The following FRMD5 variants were observed in gnomAD, a reference collection of about 807,000 sequenced individuals.
FRMD5 encodes FERM domain containing 5.
Under a neutral mutation model 69.0 loss-of-function variants are expected in FRMD5, and 20 were observed. The ratio of observed to expected loss-of-function variants is 0.29; its 90% CI spans 0.20 to 0.42. The LOEUF (loss-of-function observed/expected upper bound fraction) is 0.42, where lower values mean the gene tolerates loss of function less well. FRMD5 is among the 10% of genes least tolerant of loss of function. FRMD5 has a pLI of 1.00. For synonymous variants in FRMD5, 271 were observed against 260.1 expected (o/e 1.04, Z -0.40); for missense variants, 595 against 708.6 (o/e 0.84, Z 1.82).
At chr15:44,123,711 T>C (rs2140676528) in intron 1 of FRMD5, among the ~76,000 whole-genome samples, 1 of 152,284 alleles carries the variant, frequency 6.6e-6, no homozygotes, top group East Asian at 1.9e-4. Context: ...GGGCGACACC[T>C]AAAATTCACT....
intron 2 of FRMD5, among the ~76,000 whole-genome samples, chr15:43,920,715 G>T (rs1455889104): frequency 6.6e-6 from 1 of 152,206 alleles, no homozygotes; most frequent in Non-Finnish European, 1.5e-5. Context: ...TGAAGGCCCA[G>T]AACTGTCAGT....
At chr15:44,080,216 A>G (rs189292194) in intron 1 of FRMD5, among the ~76,000 whole-genome samples, 1 of 152,132 alleles carries the variant, frequency 6.6e-6, no homozygotes. Context: ...TTCCAAACCC[A>G]ATTTTAAATT....
chr15:44,047,823 T>C (rs1282438325), intron 1 of FRMD5, among the ~76,000 whole-genome samples: 1 of 152,226 alleles, frequency 6.6e-6, no homozygotes, highest in Non-Finnish European at 1.5e-5. Flanking sequence ...ATCATACGAC[T>C]TGTGGCCCTT....
At chr15:44,084,885 T>G (rs1004285102) in intron 1 of FRMD5, among the ~76,000 whole-genome samples, 26 of 152,142 alleles carry the variant, frequency 1.7e-4, no homozygotes, top group Admixed American at 1.4e-3. Context: ...CCATTCCCCA[T>G]GGGCAATTAT....
At position 44,118,994 on chromosome 15, in the gene FRMD5, G is replaced by C. The variant is rs563562334; in HGVS notation, c.102+75959C>G. On this transcript the variant is annotated intron_variant, in intron 1 of 13. Coordinates refer to ENST00000417257, the MANE Select transcript of FRMD5 (RefSeq NM_032892.5). ...ACTTTTATTTTTTAGACAGGGTCTT[G>C]CTCTGTCACCCAGACCAGAGTGCAA... Among the ~76,000 whole-genome samples, 33 of 152,150 alleles carry C rather than the reference G, an allele frequency of 2.2e-4. No individual in the cohort carries two copies. The South Asian group carries it at 5.8e-3, about 27-fold the overall frequency.
rs191729736 is a variant in FRMD5, at chr15:44,008,990, C to A, written c.103-84681G>T. Among the ~76,000 whole-genome samples, 11 of 152,282 alleles carry A rather than the reference C, an allele frequency of 7.2e-5. No homozygotes were observed. The East Asian group carries it at 2.1e-3, about 29-fold the overall frequency. ...GCAGTGAGCCGAGATTGCACCACTG[C>A]ACTCCAGCCTGGGTGACAGAGGAGA... is the stretch of plus-strand genomic sequence containing the variant. On this transcript the variant is annotated intron_variant, in intron 1 of 13. Coordinates refer to ENST00000417257, the MANE Select transcript of FRMD5 (RefSeq NM_032892.5).
At chr15:44,181,471 T>C (rs1055383208) in intron 1 of FRMD5, among the ~76,000 whole-genome samples, 4 of 152,218 alleles carry the variant, frequency 2.6e-5, no homozygotes, top group African/African-American at 9.7e-5. Context: ...TAGTATGTTA[T>C]CAAAACCAGG....
intron 1 of FRMD5, among the ~76,000 whole-genome samples, chr15:44,008,581 ATGTGG>A (rs1443195532): frequency 6.6e-6 from 1 of 151,914 alleles, no homozygotes; most frequent in Non-Finnish European, 1.5e-5. Context: ...CTTTTTTAAC[ATGTGG>A]TGCACCAAAG....
intron 1 of FRMD5, among the ~76,000 whole-genome samples, chr15:44,145,384 C>G (rs2077340669): frequency 6.6e-6 from 1 of 152,108 alleles, no homozygotes; most frequent in South Asian, 2.1e-4. Context: ...TTACTTTTTA[C>G]TATTATATTT....
At chr15:43,882,295 G>T (rs1755907185) in intron 13 of FRMD5, among the ~76,000 whole-genome samples, 1 of 152,190 alleles carries the variant, frequency 6.6e-6, no homozygotes, top group African/African-American at 2.4e-5. Context: ...GGAGTCTGGA[G>T]GGAGATGGGT....
At chr15:44,133,905 T>C (rs956975077) in intron 1 of FRMD5, among the ~76,000 whole-genome samples, 1 of 152,008 alleles carries the variant, frequency 6.6e-6, no homozygotes, top group Non-Finnish European at 1.5e-5. Flanking sequence ...TATAAGCCAA[T>C]GTCCAGAGAT....
At chr15:44,156,247 G>A (rs1321630783) in intron 1 of FRMD5, among the ~76,000 whole-genome samples, 1 of 152,042 alleles carries the variant, frequency 6.6e-6, no homozygotes, top group African/African-American at 2.4e-5. Context: ...AGGTTCAGGT[G>A]ATTCTCCTGC....
At chr15:43,904,455 A>G (rs2089122683) in intron 6 of FRMD5, among the ~76,000 whole-genome samples, 1 of 151,810 alleles carries the variant, frequency 6.6e-6, no homozygotes, top group South Asian at 2.1e-4. Flanking sequence ...TGCAACCTCC[A>G]CCTCCCAGGT....
intron 1 of FRMD5, among the ~76,000 whole-genome samples, chr15:43,988,357 CTT>C (rs35486163): frequency 6.9e-6 from 1 of 145,846 alleles, no homozygotes; most frequent in Non-Finnish European, 1.5e-5. Flanking sequence ...GTCATTAGCA[CTT>C]TTTTTTTTTT....
intron 1 of FRMD5, among the ~76,000 whole-genome samples, chr15:44,183,780 G>A (rs954069280): frequency 3.3e-5 from 5 of 152,046 alleles, no homozygotes; most frequent in Non-Finnish European, 5.9e-5. Context: ...TCAGGAGTTC[G>A]AGATCAGCCT....
chr15:44,149,269 A>T, intron 1 of FRMD5, among the ~76,000 whole-genome samples: 1 of 152,178 alleles, frequency 6.6e-6, no homozygotes, highest in Non-Finnish European at 1.5e-5. Flanking sequence ...ACCTGTAGAA[A>T]ACACACAAAA....
At chr15:44,147,148 CTT>C (rs1381787784) in intron 1 of FRMD5, among the ~76,000 whole-genome samples, 3 of 152,172 alleles carry the variant, frequency 2.0e-5, no homozygotes, top group Admixed American at 2.0e-4. Context: ...TTTAATTCAT[CTT>C]GAGTTAATTT....
intron 13 of FRMD5, among the ~76,000 whole-genome samples, chr15:43,881,114 A>G (rs2088515223): frequency 6.6e-6 from 1 of 152,156 alleles, no homozygotes; most frequent in Non-Finnish European, 1.5e-5. Context: ...TGTTCTGGGA[A>G]GTAGGCATGC....
chr15:43,877,561 T>C (rs921406770), intron 13 of FRMD5, among the ~76,000 whole-genome samples: 1 of 152,096 alleles, frequency 6.6e-6, no homozygotes, highest in Non-Finnish European at 1.5e-5. Context: ...TATGAATGAG[T>C]AGGACAATGG....
Sources: gnomAD v4.1 joint callset for allele counts (sites outside exome capture counted in the v4.1 genomes callset) on GRCh38, gnomAD v4.1.1 for gene constraint, MANE v1.5 for transcripts, NCBI Gene and HGNC (gene_info 2026-07-23, HGNC 2026-07-21) for gene names.